SIRPB1: variants seen among roughly 807,000 people sequenced by gnomAD.
SIRPB1 encodes signal regulatory protein beta 1.
In SIRPB1, 28 loss-of-function variants were observed where a neutral mutation model predicts 34.1. That is an observed-to-expected ratio of 0.82 (90% CI 0.61 to 1.12). The LOEUF is 1.12. Ranked by LOEUF, SIRPB1 falls within the 50% of genes most tolerant of loss-of-function variation. The pLI is 0.00. For missense variants in SIRPB1, 499 were observed against 507.0 expected (o/e 0.98, Z 0.15); for synonymous variants, 211 against 203.8 (o/e 1.04, Z -0.30).
At position 1,578,425 on chromosome 20, in the gene SIRPB1, C is replaced by T. The variant is rs778666465; in HGVS notation, c.346G>A (p.Gly116Ser). ...SISNITPADAGTYYCVKFRKG... is the reference protein window; with the variant it reads ...SISNITPADASTYYCVKFRKG... ...CGGAACTTCACACAGTAGTAGGTGC[C>T]GGCGTCTGCTGGGGTGATGTTACTG... The change falls in exon 2 of 6, where the codon GGC (glycine) becomes AGC (serine). Residue 116 changes from glycine to serine, a missense_variant. Physicochemically the swap from Gly to Ser is moderately conservative, Grantham distance 56 (BLOSUM62 0). Coordinates refer to ENST00000381605, the MANE Select transcript of SIRPB1 (RefSeq NM_006065.5). 1.5e-5 allele frequency: 23 copies of T among 1,585,052 alleles called. 1 individual carries two copies. The Admixed American group carries it at 1.9e-4, about 13-fold the overall frequency.
At chr20:1,577,966 C>T (rs759550225) in intron 2 of SIRPB1, among the ~76,000 whole-genome samples, 3 of 147,398 alleles carry the variant, frequency 2.0e-5, no homozygotes, top group Non-Finnish European at 4.6e-5. Context: ...AGGGACTTGG[C>T]CACCCTGAGG....
chr20:1,603,005 C>T lies in SIRPB1; in HGVS notation c.76+16864G>A. On this transcript the variant is annotated intron_variant, in intron 1 of 5. Coordinates refer to ENST00000381605, the MANE Select transcript of SIRPB1 (RefSeq NM_006065.5). ...ACTGGCCAAATTGACATCCTTGGGA[C>T]GATGCCCAGCAGAAAGAGACGTTTC... The T allele has an allele frequency of 1.9e-5, 2 of 107,628 alleles. 1 individual carries two copies. Among genetic ancestry groups the T allele is most frequent in the Non-Finnish European group, 3.5e-5 (2 of 56,580 alleles). The allele number at this position is 107,628 out of a possible 1,614,324, so 6.7% of individuals were successfully genotyped here. A position where few individuals can be genotyped will look rare whatever the true frequency, so the allele number is the denominator to read the frequency against.
intron 1 of SIRPB1, 135 bp downstream of exon 1, chr20:1,619,734 T>C (rs1291076505): frequency 1.7e-6 from 1 of 592,054 alleles, no homozygotes; most frequent in East Asian, 3.0e-5. Flanking sequence ...GCTCCCTGAT[T>C]TTCTGCTCTC....
chr20:1,567,023 C>G lies in SIRPB1; in HGVS notation c.1085-756G>C, dbSNP rs932724828. 2.6e-5 allele frequency among the ~76,000 whole-genome samples: 4 copies of G among 152,246 alleles called. No individual in the cohort carries two copies. In the East Asian group the frequency reaches 5.8e-4, roughly 22 times the overall value. On this transcript the variant is annotated intron_variant, in intron 4 of 5. Transcript: ENST00000381605. ...ACACAGAGAGTCAGATCTACGGAAGCTCATGTTGGGACTGTTTGCATTTTT... is the reference window on the plus strand; with the variant it reads ...ACACAGAGAGTCAGATCTACGGAAGGTCATGTTGGGACTGTTTGCATTTTT...
intron 1 of SIRPB1, among the ~76,000 whole-genome samples, chr20:1,615,261 G>A (rs1240652609): frequency 2.6e-5 from 4 of 152,096 alleles, no homozygotes; most frequent in Admixed American, 2.6e-4. Context: ...ACTCATGATG[G>A]CCAGACATTT....
chr20:1,614,454 T>G (rs1444459181), intron 1 of SIRPB1, among the ~76,000 whole-genome samples: 7 of 152,182 alleles, frequency 4.6e-5, no homozygotes, highest in African/African-American at 1.7e-4. Context: ...CCTCCTCTAC[T>G]GTGACCTAGT....
chr20:1,568,627 T>A (rs1045748673), intron 4 of SIRPB1, among the ~76,000 whole-genome samples: 20 of 152,062 alleles, frequency 1.3e-4, no homozygotes, highest in Non-Finnish European at 5.9e-5. Flanking sequence ...ACCTGAGGAC[T>A]GAGGAACAGC....
intron 1 of SIRPB1, among the ~76,000 whole-genome samples, chr20:1,616,417 C>T (rs1349870390): frequency 6.6e-6 from 1 of 152,178 alleles, no homozygotes; most frequent in Non-Finnish European, 1.5e-5. Context: ...CACATTTACA[C>T]TCAATTGACC....
At chr20:1,565,965 C>T (rs1443893533) in intron 5 of SIRPB1, among the ~76,000 whole-genome samples, 188 bp downstream of exon 5, 1 of 152,096 alleles carries the variant, frequency 6.6e-6, no homozygotes, top group African/African-American at 2.4e-5. Context: ...ATCCCAACTC[C>T]TGCACACTCC....
In SIRPB1 at chr20:1,594,216, A is replaced by T. The variant is rs1334081993; in HGVS notation, c.77-15522T>A. 6.2e-5 allele frequency among the ~76,000 whole-genome samples: 3 copies of T among 48,362 alleles called. 1 individual carries two copies. The highest frequency in any genetic ancestry group is 4.2e-4 in the Admixed American group (3 of 7,224). 31.7% of individuals were successfully genotyped at this position (48,362 alleles called of 152,430 possible). A position where few individuals can be genotyped will look rare whatever the true frequency, so the allele number is the denominator to read the frequency against. On this transcript the variant is annotated intron_variant, in intron 1 of 5. Coordinates refer to ENST00000381605, the MANE Select transcript of SIRPB1 (RefSeq NM_006065.5). ...GAAACTCCGTCTCAAAAAAACAAAC[A>T]AACAAACAAAAAATTATTTTAACTG... is the stretch of plus-strand genomic sequence containing the variant.
intron 4 of SIRPB1, among the ~76,000 whole-genome samples, chr20:1,567,104 T>A (rs921243681): frequency 3.3e-4 from 50 of 152,084 alleles, no homozygotes; most frequent in Admixed American, 1.6e-3. Context: ...AAATTTTTTT[T>A]AAAATAAAAT....
intron 1 of SIRPB1, among the ~76,000 whole-genome samples, chr20:1,615,997 C>T (rs1203555239): frequency 2.0e-5 from 3 of 151,810 alleles, no homozygotes; most frequent in Non-Finnish European, 2.9e-5. Context: ...GCTAAAATAG[C>T]TAGAAACAGA....
intron 2 of SIRPB1, 27 bp from the exon 3 acceptor site, chr20:1,572,064 A>G (rs1286952988): frequency 2.5e-6 from 4 of 1,613,628 alleles, no homozygotes; most frequent in African/African-American, 2.7e-5. Flanking sequence ...GATAATCAGG[A>G]GACATGACTC....
chr20:1,578,341 G>C lies in SIRPB1; in HGVS notation c.430C>G (p.Arg144Gly), dbSNP rs368470461. 2.1e-5 allele frequency: 34 copies of C among 1,584,040 alleles called. 1 individual carries two copies. In the South Asian group the frequency reaches 3.4e-4, roughly 16 times the overall value. ...AGGAGGCCCACGCTGTACTCACCGC[G>C]CACAGACAGCTCAGTGCCTGCTCCA... ...KSGAGTELSV[R>G]AKPSAPVVSG... The change falls in exon 2 of 6, where the codon CGC (arginine) becomes GGC (glycine). Residue 144 changes from arginine (R) to glycine (G), a missense_variant. Arg to Gly is a moderately radical substitution (Grantham distance 125). Coordinates refer to ENST00000381605, the MANE Select transcript of SIRPB1 (RefSeq NM_006065.5).
At chr20:1,618,287 T>C (rs1241818334) in intron 1 of SIRPB1, among the ~76,000 whole-genome samples, 1 of 152,216 alleles carries the variant, frequency 6.6e-6, no homozygotes, top group African/African-American at 2.4e-5. Context: ...TTTACTTCCC[T>C]GCATTTTCTA....
At chr20:1,572,166 G>A in intron 2 of SIRPB1, 129 bp from the exon 3 acceptor site, 1 of 1,427,028 alleles carries the variant, frequency 7.0e-7, no homozygotes, top group South Asian at 1.3e-5. Flanking sequence ...TGAAGGCAGT[G>A]TCCTTATTCT....
chr20:1,614,119 T>C (rs1489669115), intron 1 of SIRPB1, among the ~76,000 whole-genome samples: 1 of 152,082 alleles, frequency 6.6e-6, no homozygotes, highest in African/African-American at 2.4e-5. Flanking sequence ...AGAGGAAAAA[T>C]ATGTCAATCA....
At position 1,565,132 on chromosome 20, in the gene SIRPB1, G is replaced by T; in HGVS notation, c.*368C>A. 1 of 398,456 alleles carries T rather than the reference G, an allele frequency of 2.5e-6. No individual in the cohort carries two copies. The highest frequency in any genetic ancestry group is 1.3e-4 in the South Asian group (1 of 7,630). The allele number at this position is 398,456 out of a possible 1,614,324, so 24.7% of individuals were successfully genotyped here. A position where few individuals can be genotyped will look rare whatever the true frequency, so the allele number is the denominator to read the frequency against. ...ACCTCAACAAGGCTGGGGGAGTTGG[G>T]GTAGGCAGGAATCCAGAAGACAGGA... On this transcript the variant is annotated 3_prime_UTR_variant, in exon 6 of 6. Coordinates refer to ENST00000381605, the MANE Select transcript of SIRPB1 (RefSeq NM_006065.5).
At chr20:1,573,711 A>G (rs1226815159) in intron 2 of SIRPB1, among the ~76,000 whole-genome samples, 6 of 147,006 alleles carry the variant, frequency 4.1e-5, no homozygotes, top group African/African-American at 7.4e-5. Flanking sequence ...TCCTCCTTCT[A>G]TTTGTCAGAG....
Sources: gnomAD v4.1 joint callset for allele counts (sites outside exome capture counted in the v4.1 genomes callset) on GRCh38, gnomAD v4.1.1 for gene constraint, MANE v1.5 for transcripts, NCBI Gene and HGNC (gene_info 2026-07-23, HGNC 2026-07-21) for gene names.